Variants in MAP7 observed in about 807,000 individuals in gnomAD.
MAP7 encodes the protein ensconsin.
MAP7 carries 52 observed loss-of-function variants against 94.8 expected under a neutral mutation model. That is an observed-to-expected ratio of 0.55 (90% CI 0.44 to 0.69). MAP7 has a LOEUF of 0.69. Among genes scored for constraint, MAP7 ranks in the 30% least tolerant of loss-of-function variants. MAP7 has a pLI of 0.00. For synonymous variants in MAP7, 350 were observed against 357.0 expected, an observed-to-expected ratio of 0.98 and a Z score of 0.22; for missense variants, 940 against 964.6, an observed-to-expected ratio of 0.97 and a Z score of 0.34.
At chr6:136,411,742 A>T in intron 2 of MAP7, 45 bp from the exon 3 acceptor site, 1 of 1,419,320 alleles carries the variant, frequency 7.0e-7, no homozygotes, top group Non-Finnish European at 9.6e-7. Flanking sequence ...AGTGGATTAA[A>T]AAAAAAAAGA....
intron 1 of MAP7, among the ~76,000 whole-genome samples, chr6:136,478,264 T>C (rs1011568522): frequency 5.9e-5 from 9 of 151,932 alleles, no homozygotes; most frequent in African/African-American, 1.9e-4. Context: ...ACAAGATTAA[T>C]AGAAGAAAAG....
intron 1 of MAP7, among the ~76,000 whole-genome samples, chr6:136,481,494 G>C (rs1812839556): frequency 6.6e-6 from 1 of 152,140 alleles, no homozygotes; most frequent in Admixed American, 6.5e-5. Flanking sequence ...AAGAAATTAA[G>C]TGAAATAAGC....
At chr6:136,446,069 AT>A (rs1799236359) in intron 1 of MAP7, among the ~76,000 whole-genome samples, 3 of 152,238 alleles carry the variant, frequency 2.0e-5, no homozygotes, top group Admixed American at 2.0e-4. Context: ...GGTTCGATTA[AT>A]TTGCTAGTGC....
intron 1 of MAP7, among the ~76,000 whole-genome samples, chr6:136,530,060 T>C (rs1056678071): frequency 6.6e-6 from 1 of 152,226 alleles, no homozygotes; most frequent in African/African-American, 2.4e-5. Context: ...TTCCTAGACT[T>C]GTGTGACCAT....
chr6:136,352,334 T>C (rs1042928284), intron 16 of MAP7, among the ~76,000 whole-genome samples: 1 of 151,912 alleles, frequency 6.6e-6, no homozygotes, highest in Non-Finnish European at 1.5e-5. Context: ...ACGATAGGTG[T>C]ACGCCACTGG....
In MAP7 at chr6:136,365,923, C is replaced by T. The variant is rs201045496; in HGVS notation, c.1085G>A (p.Arg362Gln). 3.5e-4 allele frequency: 572 copies of T among 1,613,976 alleles called. No homozygotes were observed. Among genetic ancestry groups the T allele is most frequent in the Non-Finnish European group, 4.3e-4 (512 of 1,180,048 alleles). ...GCGGATGTTGCCGGGGGATGGGGGC[C>T]GGACCTGAGCAGGAGCAGCTTTGAC... Reference protein sequence around the residue: ...GSVKAAPAQVRPPSPGNIRPV... With the variant: ...GSVKAAPAQVQPPSPGNIRPV... The change falls in exon 10 of 18, where the codon CGG (arginine) becomes CAG (glutamine). Residue 362 changes from arginine to glutamine, a missense_variant. Arg to Gln is a conservative substitution (Grantham distance 43). Transcript: ENST00000354570.
chr6:136,448,385 C>G (rs1162926994), intron 1 of MAP7, among the ~76,000 whole-genome samples: 1 of 151,804 alleles, frequency 6.6e-6, no homozygotes, highest in Non-Finnish European at 1.5e-5. Context: ...ATGAGTCTTG[C>G]CTTTTAAAAG....
At chr6:136,485,263 T>C (rs1375084036) in intron 1 of MAP7, among the ~76,000 whole-genome samples, 1 of 152,228 alleles carries the variant, frequency 6.6e-6, no homozygotes, top group African/African-American at 2.4e-5. Context: ...TTCCTCAATA[T>C]TTATTAATCT....
chr6:136,537,665 T>C (rs1177255848), intron 1 of MAP7, among the ~76,000 whole-genome samples: 1 of 152,216 alleles, frequency 6.6e-6, no homozygotes, highest in Non-Finnish European at 1.5e-5. Flanking sequence ...CAGGAACACT[T>C]GTTTAATCAA....
chr6:136,431,492 CTTTATTTA>C (rs10562140), intron 1 of MAP7, among the ~76,000 whole-genome samples: 70 of 145,458 alleles, frequency 4.8e-4, no homozygotes, highest in South Asian at 1.8e-3. Context: ...CTTTTTAATG[CTTTATTTA>C]TTTATTTATT....
At chr6:136,490,577 G>T (rs564015635) in intron 1 of MAP7, among the ~76,000 whole-genome samples, 2 of 152,266 alleles carry the variant, frequency 1.3e-5, no homozygotes, top group East Asian at 3.9e-4. Context: ...CACATGAATT[G>T]CTTCTTTAGG....
At chr6:136,411,361 T>C (rs1787391162) in intron 3 of MAP7, among the ~76,000 whole-genome samples, 1 of 152,184 alleles carries the variant, frequency 6.6e-6, no homozygotes, top group Non-Finnish European at 1.5e-5. Context: ...AGTAGTAAAA[T>C]GTAAGCTGTA....
intron 1 of MAP7, among the ~76,000 whole-genome samples, chr6:136,472,723 C>G (rs1334232710): frequency 6.6e-6 from 1 of 152,110 alleles, no homozygotes; most frequent in Non-Finnish European, 1.5e-5. Context: ...AATTTGCATA[C>G]AGCCTACTTG....
chr6:136,454,983 T>C (rs969148701), intron 1 of MAP7, among the ~76,000 whole-genome samples: 20 of 152,028 alleles, frequency 1.3e-4, no homozygotes, highest in African/African-American at 4.8e-4. Flanking sequence ...GAAGAGACAC[T>C]AGGAGACAAA....
At chr6:136,494,310 T>G (rs1817569890) in intron 1 of MAP7, among the ~76,000 whole-genome samples, 1 of 152,190 alleles carries the variant, frequency 6.6e-6, no homozygotes, top group Non-Finnish European at 1.5e-5. Context: ...AGTAACAGAT[T>G]TGGTGGCAGT....
At chr6:136,450,404 TA>T (rs1800750042) in intron 1 of MAP7, among the ~76,000 whole-genome samples, 1 of 152,114 alleles carries the variant, frequency 6.6e-6, no homozygotes, top group South Asian at 2.1e-4. Context: ...CAGCATGGAA[TA>T]TTTCTACCTG....
rs539411206 is a variant in MAP7 at position 136,343,107 on chromosome 6, T to G, written c.*1121A>C. The G allele has an allele frequency of 5.2e-5, 8 of 152,764 alleles. No individual in the cohort carries two copies. The South Asian group carries it at 1.7e-3, about 32-fold the overall frequency. 9.5% of individuals were successfully genotyped at this position (152,764 alleles called of 1,614,324 possible). A position where few individuals can be genotyped will look rare whatever the true frequency, so the allele number is the denominator to read the frequency against. ...AGTCTCTAAAATGGTAAAATAAAAC[T>G]GAATTTATATTAGCAAATGAAAGTG... On this transcript the variant is annotated 3_prime_UTR_variant, in exon 18 of 18. Coordinates refer to ENST00000354570, the MANE Select transcript of MAP7 (RefSeq NM_003980.6).
intron 3 of MAP7, among the ~76,000 whole-genome samples, chr6:136,390,342 TA>T (rs1256862751): frequency 6.6e-6 from 1 of 152,024 alleles, no homozygotes; most frequent in African/African-American, 2.4e-5. Flanking sequence ...GCATACAAAT[TA>T]AAATGTTACT....
intron 1 of MAP7, among the ~76,000 whole-genome samples, chr6:136,485,377 C>T (rs1011880945): frequency 1.3e-4 from 20 of 152,108 alleles, no homozygotes; most frequent in South Asian, 4.2e-4. Flanking sequence ...AATATTGTTT[C>T]GACACGACAT....
Sources: gnomAD v4.1 joint callset for allele counts (sites outside exome capture counted in the v4.1 genomes callset) on GRCh38, gnomAD v4.1.1 for gene constraint, MANE v1.5 for transcripts, NCBI Gene and HGNC (gene_info 2026-07-23, HGNC 2026-07-21) for gene names.